The following FAM76B variants were observed in gnomAD, a reference collection of about 807,000 sequenced individuals.
FAM76B encodes protein FAM76B.
Under a neutral mutation model 51.8 loss-of-function variants are expected in FAM76B, and 16 were observed. The ratio of observed to expected loss-of-function variants is 0.31; its 90% CI spans 0.21 to 0.47. The LOEUF is 0.47. Among genes scored for constraint, FAM76B ranks in the 20% least tolerant of loss-of-function variants. The pLI is 1.00. For synonymous variants in FAM76B, 166 were observed against 129.5 expected, an observed-to-expected ratio of 1.28 and a Z score of -1.91; for missense variants, 342 against 392.6, an observed-to-expected ratio of 0.87 and a Z score of 1.09.
In FAM76B at chr11:95,771,370, C is replaced by T. The variant is rs1482562153; in HGVS notation, c.*191G>A. 1 of 461,752 alleles carries T rather than the reference C, an allele frequency of 2.2e-6. No individual in the cohort carries two copies. Among genetic ancestry groups the T allele is most frequent in the East Asian group, 4.0e-5 (1 of 25,220 alleles). 28.6% of individuals were successfully genotyped at this position (461,752 alleles called of 1,614,324 possible). On this transcript the variant is annotated 3_prime_UTR_variant, in exon 10 of 10. Transcript: ENST00000358780. ...CAAATAATTAAAAAGTTACTTCAAA[C>T]CAGTTGAAGTTTTATTTGAATGTTT...
intron 3 of FAM76B, among the ~76,000 whole-genome samples, chr11:95,787,190 T>C (rs987415101): frequency 2.0e-4 from 30 of 152,218 alleles, no homozygotes; most frequent in South Asian, 4.1e-4. Flanking sequence ...CTATAGAAAA[T>C]GTCTTTCATA....
chr11:95,771,508 T>A lies in FAM76B; in HGVS notation c.*53A>T. Reference sequence around the variant, plus strand: ...CACAGAATTTAAGGGCTTCACAGAATTTTTTTTCCCCAAATTTACATTGTA... The same window carrying A: ...CACAGAATTTAAGGGCTTCACAGAAATTTTTTTCCCCAAATTTACATTGTA... On this transcript the variant is annotated 3_prime_UTR_variant, in exon 10 of 10. Coordinates refer to ENST00000358780, the MANE Select transcript of FAM76B (RefSeq NM_144664.5). 6.9e-7 allele frequency: 1 copy of A among 1,447,598 alleles called. No individual in the cohort carries two copies. The highest frequency in any genetic ancestry group is 2.3e-5 in the East Asian group (1 of 42,612). 89.7% of individuals were successfully genotyped at this position (1,447,598 alleles called of 1,614,324 possible).
In FAM76B at chr11:95,769,173, G is replaced by T. The variant is rs1763137167; in HGVS notation, c.*2388C>A. 1 of 152,200 alleles carries T rather than the reference G, an allele frequency of 6.6e-6. No homozygotes were observed. The highest frequency in any genetic ancestry group is 1.5e-5 in the Non-Finnish European group (1 of 67,846). 9.4% of individuals were successfully genotyped at this position (152,200 alleles called of 1,614,324 possible). On this transcript the variant is annotated 3_prime_UTR_variant, in exon 10 of 10. Transcript: ENST00000358780. Reference sequence around the variant, plus strand: ...AACTTGAGTCAAAATGACCCTTACTGGTAAATGCTAATTAATAGTGGAAAA... The same window carrying T: ...AACTTGAGTCAAAATGACCCTTACTTGTAAATGCTAATTAATAGTGGAAAA...
chr11:95,779,969 T>C (rs747272665), intron 5 of FAM76B, 43 bp from the exon 6 acceptor site: 34 of 1,511,848 alleles, frequency 2.2e-5, no homozygotes, highest in Non-Finnish European at 2.9e-5. Flanking sequence ...CATTTATTTA[T>C]TTAATACATC....
Position 95,771,426 on chromosome 11 carries a change from CA to C in FAM76B, c.*134del. 1.7e-6 allele frequency: 1 copy of C among 582,016 alleles called. No homozygotes were observed. The allele number at this position is 582,016 out of a possible 1,614,324, so 36.1% of individuals were successfully genotyped here. On this transcript the variant is annotated 3_prime_UTR_variant, in exon 10 of 10. Coordinates refer to ENST00000358780, the MANE Select transcript of FAM76B (RefSeq NM_144664.5). ...CTTAAAAAATGCTGTATATCAATTACAAAAGTGAACAGGAAACACACCAATT... is the reference window on the plus strand; with the variant it reads ...CTTAAAAAATGCTGTATATCAATTACAAAGTGAACAGGAAACACACCAATT...
rs1218617884 is a variant in FAM76B at position 95,789,533 on chromosome 11, G to A, written c.-55C>T. The stretch of plus-strand genomic sequence containing the variant: ...GCCCGCTCCGAGGCGGGGCCCTACG[G>A]AGAACCCGAGAGCCGCCGCCGCCCG... On this transcript the variant is annotated 5_prime_UTR_variant, in exon 1 of 10. Coordinates refer to ENST00000358780, the MANE Select transcript of FAM76B (RefSeq NM_144664.5). 2.0e-6 allele frequency: 3 copies of A among 1,507,430 alleles called. No homozygotes were observed. The highest frequency in any genetic ancestry group is 2.8e-5 in the African/African-American group (2 of 70,388). The allele number at this position is 1,507,430 out of a possible 1,614,324, so 93.4% of individuals were successfully genotyped here.
rs768435303 is a variant in FAM76B at position 95,789,414 on chromosome 11, G to A, written c.65C>T (p.Ser22Phe). ...CTQRYPFEEL[S>F]QGQQLCKECR... is the part of the protein sequence containing the mutation. ...GACCTTGCAGAGCTGCTGGCCCTGG[G>A]AGAGCTCCTCGAAAGGATAACGCTG... Residue 22 changes from serine to phenylalanine, a missense_variant, in exon 1 of 10, where the codon TCC (serine) becomes TTC (phenylalanine). By Grantham distance (155) the Ser-to-Phe change is radical (BLOSUM62 -2). Coordinates refer to ENST00000358780, the MANE Select transcript of FAM76B (RefSeq NM_144664.5). 1 of 1,607,042 alleles carries A rather than the reference G, an allele frequency of 6.2e-7. No individual in the cohort carries two copies. The highest frequency in any genetic ancestry group is 1.7e-5 in the Admixed American group (1 of 59,390).
At chr11:95,775,430 C>T (rs1859955770) in intron 9 of FAM76B, among the ~76,000 whole-genome samples, 2 of 151,456 alleles carry the variant, frequency 1.3e-5, no homozygotes, top group African/African-American at 4.8e-5. Flanking sequence ...CCCTATTTGG[C>T]ACTTTGCGAA....
intron 2 of FAM76B, among the ~76,000 whole-genome samples, 175 bp from the exon 3 acceptor site, chr11:95,787,853 A>G (rs1250754087): frequency 6.6e-6 from 1 of 152,244 alleles, no homozygotes; most frequent in Non-Finnish European, 1.5e-5. Context: ...TTAACTTATG[A>G]CAAATGTTTT....
intron 1 of FAM76B, 123 bp from the exon 2 acceptor site, chr11:95,788,686 TA>T: frequency 1.6e-6 from 2 of 1,229,008 alleles, no homozygotes; most frequent in Non-Finnish European, 1.1e-6. Context: ...GGCCCCAACG[TA>T]AAGAACTGGA....
rs2071271605 is a variant in FAM76B at position 95,771,387 on chromosome 11, T to C, written c.*174A>G. 4.0e-6 allele frequency: 2 copies of C among 495,770 alleles called. No individual in the cohort carries two copies. The highest frequency in any genetic ancestry group is 4.0e-5 in the African/African-American group (2 of 50,468). The allele number at this position is 495,770 out of a possible 1,614,324, so 30.7% of individuals were successfully genotyped here. On this transcript the variant is annotated 3_prime_UTR_variant, in exon 10 of 10. Transcript: ENST00000358780. The stretch of plus-strand genomic sequence containing the variant: ...ACTTCAAACCAGTTGAAGTTTTATT[T>C]GAATGTTTTACAACTTAAAAAATGC...
At chr11:95,777,029 A>G (rs1184722319) in intron 8 of FAM76B, among the ~76,000 whole-genome samples, 1 of 151,312 alleles carries the variant, frequency 6.6e-6, no homozygotes, top group African/African-American at 2.4e-5. Context: ...CTGAAATGCC[A>G]ACATACACCA....
chr11:95,779,764 TAAAATATTACTG>T (rs1860174449), intron 6 of FAM76B, 77 bp from the exon 7 acceptor site: 2 of 1,565,536 alleles, frequency 1.3e-6, no homozygotes, highest in Admixed American at 3.7e-5. Context: ...CATCTTCCCC[TAAAATATTACTG>T]AAAATACTGA....
intron 1 of FAM76B, chr11:95,789,016 T>C: frequency 2.9e-6 from 4 of 1,363,494 alleles, no homozygotes; most frequent in Non-Finnish European, 3.9e-6. Flanking sequence ...GCAAAAACCG[T>C]CCCCTGCCTC....
chr11:95,786,323 G>C lies in FAM76B; in HGVS notation c.208-49C>G, dbSNP rs56286316. ...ACTTTTAAAAACATTAAATATTTGC[G>C]GCATAGCATATACCCAGTGTTGTAG... On this transcript the variant is annotated intron_variant, in intron 3 of 9. Transcript: ENST00000358780. 990 of 1,601,000 alleles carry C rather than the reference G, an allele frequency of 6.2e-4. 1 individual carries two copies. The highest frequency in any genetic ancestry group is 7.7e-4 in the Non-Finnish European group (906 of 1,172,504).
At chr11:95,774,289 A>G (rs1859901360) in intron 9 of FAM76B, among the ~76,000 whole-genome samples, 1 of 151,410 alleles carries the variant, frequency 6.6e-6, no homozygotes. Flanking sequence ...TTTTGCAACA[A>G]GTAAGACAGC....
Position 95,789,657 on chromosome 11 carries a change from C to G in FAM76B, c.-179G>C. ...CCGCGGACGACGCCACCGTCTCCCT[C>G]CGCCTCCACTTCCGCCCCAGCCCAC... On this transcript the variant is annotated 5_prime_UTR_variant, in exon 1 of 10. Coordinates refer to ENST00000358780, the MANE Select transcript of FAM76B (RefSeq NM_144664.5). 1.9e-6 allele frequency: 1 copy of G among 529,058 alleles called. No individual in the cohort carries two copies. Among genetic ancestry groups the G allele is most frequent in the South Asian group, 2.6e-5 (1 of 39,076 alleles). The allele number at this position is 529,058 out of a possible 1,614,324, so 32.8% of individuals were successfully genotyped here. A position where few individuals can be genotyped will look rare whatever the true frequency, so the allele number is the denominator to read the frequency against.
rs1310107845 is a variant in FAM76B at position 95,770,379 on chromosome 11, A to T, written c.*1182T>A. 6.6e-6 allele frequency: 1 copy of T among 151,822 alleles called. No homozygotes were observed. The highest frequency in any genetic ancestry group is 2.4e-5 in the African/African-American group (1 of 41,376). The allele number at this position is 151,822 out of a possible 1,614,324, so 9.4% of individuals were successfully genotyped here. A position where few individuals can be genotyped will look rare whatever the true frequency, so the allele number is the denominator to read the frequency against. ...CAGATTGGATTAAAAAGATCATTTA[A>T]TTTTTTTCAGATTTGCTTTAAATTT... On this transcript the variant is annotated 3_prime_UTR_variant, in exon 10 of 10. Coordinates refer to ENST00000358780, the MANE Select transcript of FAM76B (RefSeq NM_144664.5).
chr11:95,785,962 A>G (rs181735425), intron 4 of FAM76B, among the ~76,000 whole-genome samples, 157 bp downstream of exon 4: 43 of 152,362 alleles, frequency 2.8e-4, no homozygotes, highest in Non-Finnish European at 6.2e-4. Flanking sequence ...TCATGCAAAC[A>G]AAGAGAAAAC....
Sources: allele counts gnomAD v4.1 joint callset (sites outside exome capture counted in the v4.1 genomes callset), GRCh38; gene constraint gnomAD v4.1.1; transcripts MANE v1.5; gene names NCBI Gene and HGNC (gene_info 2026-07-23, HGNC 2026-07-21).